FCGR2A: variants seen among roughly 807,000 people sequenced by gnomAD.
FCGR2A encodes the protein Fc gamma receptor IIa.
FCGR2A carries 18 observed loss-of-function variants against 29.3 expected under a neutral mutation model. The observed-to-expected ratio is 0.62, with a 90% CI of 0.43 to 0.91. The LOEUF (loss-of-function observed/expected upper bound fraction) is 0.91. Among genes scored for constraint, FCGR2A ranks in the 40% least tolerant of loss-of-function variants. The pLI, the probability that FCGR2A is intolerant of heterozygous loss-of-function variation, is 0.00. For synonymous variants in FCGR2A, 126 were observed against 144.8 expected, an observed-to-expected ratio of 0.87 and a Z score of 0.93; for missense variants, 287 against 393.0, an observed-to-expected ratio of 0.73 and a Z score of 2.28.
intron 6 of FCGR2A, among the ~76,000 whole-genome samples, chr1:161,515,959 C>A (rs1443855164): frequency 1.3e-5 from 2 of 152,072 alleles, no homozygotes; most frequent in Middle Eastern, 3.2e-3. Context: ...AAAATAAGCA[C>A]TTATATAAAT....
intron 4 of FCGR2A, among the ~76,000 whole-genome samples, 199 bp from the exon 5 acceptor site, chr1:161,510,635 A>G (rs1458025229): frequency 3.9e-5 from 6 of 152,178 alleles, no homozygotes; most frequent in African/African-American, 1.4e-4. Context: ...AGGAGGCACA[A>G]GTCCAGCCAC....
At chr1:161,513,663 A>T in intron 5 of FCGR2A, 1 of 597,822 alleles carries the variant, frequency 1.7e-6, no homozygotes, top group South Asian at 2.2e-5. Context: ...AGTGTGGCCC[A>T]AGTGACTGCT....
Position 161,517,969 on chromosome 1 carries a change from C to G in FCGR2A, c.781-6C>G, listed in dbSNP as rs528232718. The G allele has an allele frequency of 1.2e-6, 2 of 1,613,260 alleles. No homozygotes were observed. The highest frequency in any genetic ancestry group is 2.2e-5 in the South Asian group (2 of 91,038). ...TATCCTATGGGTTTTAAATGCTTTC[C>G]TGCAGCCACCTGGACGTCAAATGAT... On this transcript the variant is annotated splice_polypyrimidine_tract_variant and splice_region_variant and intron_variant, in intron 6 of 6. Coordinates refer to ENST00000271450, the MANE Select transcript of FCGR2A (RefSeq NM_001136219.3).
downstream of FCGR2A, among the ~76,000 whole-genome samples, chr1:161,521,985 T>A (rs1265093725): frequency 4.4e-4 from 67 of 152,118 alleles, 1 homozygote; most frequent in Admixed American, 4.4e-3. Context: ...TCGGTTCTAT[T>A]TTTAAAGCTA....
downstream of FCGR2A, chr1:161,523,891 A>G (rs1464794236): frequency 1.3e-5 from 2 of 152,102 alleles, no homozygotes; most frequent in African/African-American, 2.4e-5. Flanking sequence ...GTGGCAGGCG[A>G]GAATTCTACC....
intron 3 of FCGR2A, among the ~76,000 whole-genome samples, chr1:161,508,117 G>GATCTGA (rs1460936747): frequency 7.4e-6 from 1 of 134,550 alleles, no homozygotes; most frequent in Non-Finnish European, 1.6e-5. Context: ...AAAAAATTGA[G>GATCTGA]ATCTGAAGCA....
chr1:161,521,418 T>G (rs1289704205), downstream of FCGR2A, among the ~76,000 whole-genome samples: 1 of 151,844 alleles, frequency 6.6e-6, no homozygotes, highest in East Asian at 1.9e-4. Context: ...TCCAATCTCT[T>G]CATTTTAAAA....
chr1:161,506,101 C>A, intron 2 of FCGR2A, 94 bp downstream of exon 2: 1 of 1,377,876 alleles, frequency 7.3e-7, no homozygotes, highest in Non-Finnish European at 1.0e-6. Context: ...ATGTCTATTC[C>A]ACTGAAAATC....
chr1:161,514,297 A>G (rs1276046121), intron 6 of FCGR2A, among the ~76,000 whole-genome samples: 1 of 150,482 alleles, frequency 6.6e-6, no homozygotes, highest in Non-Finnish European at 1.5e-5. Context: ...GTAACTGCAA[A>G]CCTATCAAAT....
Position 161,506,018 on chromosome 1 carries a change from C to A in FCGR2A, c.106+11C>A, listed in dbSNP as rs1005265902. Reference sequence around the variant, plus strand: ...CAGACAGTCAAGCTGGTGAGTATGCCCTTTGCTTCCTTGTATTGACAGTGT... The same window carrying A: ...CAGACAGTCAAGCTGGTGAGTATGCACTTTGCTTCCTTGTATTGACAGTGT... On this transcript the variant is annotated intron_variant, in intron 2 of 6. Transcript: ENST00000271450. The A allele has an allele frequency of 6.2e-7, 1 of 1,612,952 alleles. No individual in the cohort carries two copies. The highest frequency in any genetic ancestry group is 1.3e-5 in the African/African-American group (1 of 74,952).
downstream of FCGR2A, chr1:161,523,632 A>T (rs535995278): frequency 1.3e-5 from 2 of 152,130 alleles, no homozygotes; most frequent in African/African-American, 2.4e-5. Flanking sequence ...CTCCTTTCCC[A>T]GGTGTTGCGT....
chr1:161,522,081 G>T (rs1375704269), downstream of FCGR2A, among the ~76,000 whole-genome samples: 1 of 152,136 alleles, frequency 6.6e-6, no homozygotes, highest in African/African-American at 2.4e-5. Flanking sequence ...GCTCATGCCT[G>T]TAATCCCAAA....
intron 3 of FCGR2A, among the ~76,000 whole-genome samples, chr1:161,507,709 A>T (rs1165334756): frequency 6.6e-6 from 1 of 152,236 alleles, no homozygotes; most frequent in Non-Finnish European, 1.5e-5. Context: ...GCCTAATGAC[A>T]TCATAGCTCC....
intron 3 of FCGR2A, among the ~76,000 whole-genome samples, chr1:161,508,492 G>A (rs1336670913): frequency 6.6e-6 from 1 of 151,410 alleles, no homozygotes; most frequent in Non-Finnish European, 1.5e-5. Flanking sequence ...GAGGCTGAGG[G>A]AGGAGGATTG....
At chr1:161,506,742 C>G in intron 3 of FCGR2A, 151 bp downstream of exon 3, 2 of 1,394,406 alleles carry the variant, frequency 1.4e-6, no homozygotes, top group Non-Finnish European at 1.9e-6. Flanking sequence ...TTCACCCACC[C>G]TCTTTGCTTA....
In FCGR2A at chr1:161,518,834, G is replaced by A. The variant is rs1676308642; in HGVS notation, c.*686G>A. The A allele has an allele frequency of 1.9e-5, 3 of 158,274 alleles. No individual in the cohort carries two copies. The South Asian group carries it at 5.2e-4, about 27-fold the overall frequency. 9.8% of individuals were successfully genotyped at this position (158,274 alleles called of 1,614,324 possible). A position where few individuals can be genotyped will look rare whatever the true frequency, so the allele number is the denominator to read the frequency against. ...GACAGGGTTTCGCAATGTTGGCCAG[G>A]CCGATCTCGAACTTCTGGCCTCTAG... On this transcript the variant is annotated 3_prime_UTR_variant, in exon 7 of 7. Coordinates refer to ENST00000271450, the MANE Select transcript of FCGR2A (RefSeq NM_001136219.3).
At chr1:161,521,252 G>A (rs142285555), downstream of FCGR2A, among the ~76,000 whole-genome samples, 3,780 of 152,040 alleles carry the variant, frequency 0.025, 163 homozygotes, top group African/African-American at 0.086. Flanking sequence ...AGCTCCAGGA[G>A]AGGTCTTTGT....
intron 3 of FCGR2A, among the ~76,000 whole-genome samples, chr1:161,507,942 C>T (rs1209635021): frequency 4.0e-5 from 6 of 151,748 alleles, no homozygotes; most frequent in South Asian, 2.1e-4. Flanking sequence ...CAAAATTAGC[C>T]GGGCATGGTG....
In FCGR2A at chr1:161,506,353, G is replaced by A; in HGVS notation, c.126G>A (p.Val42=). The A allele has an allele frequency of 6.2e-7, 1 of 1,614,214 alleles. No individual in the cohort carries two copies. Among genetic ancestry groups the A allele is most frequent in the Non-Finnish European group, 8.5e-7 (1 of 1,180,032 alleles). Residue 42 remains valine, a synonymous_variant, in exon 3 of 7, where the codon GTG becomes GTA. Coordinates refer to ENST00000271450, the MANE Select transcript of FCGR2A (RefSeq NM_001136219.3). The part of the protein sequence containing the change: ...DSQAAAPPKA[V]LKLEPPWINV... ...CCTCAGCAGCTCCCCCAAAGGCTGT[G>A]CTGAAACTTGAGCCCCCGTGGATCA...
Sources: gnomAD v4.1 joint callset for allele counts (sites outside exome capture counted in the v4.1 genomes callset) on GRCh38, gnomAD v4.1.1 for gene constraint, MANE v1.5 for transcripts, NCBI Gene and HGNC (gene_info 2026-07-23, HGNC 2026-07-21) for gene names.